GDI2: variants seen among roughly 807,000 people sequenced by gnomAD.
GDI2 encodes rab GDP dissociation inhibitor beta.
GDI2 carries 22 observed loss-of-function variants against 54.2 expected under a neutral mutation model. The observed-to-expected ratio is 0.41, with a 90% CI of 0.29 to 0.58. The LOEUF is 0.58. Ranked by LOEUF, GDI2 falls within the 20% of genes least tolerant of loss-of-function variation. GDI2 has a pLI of 0.35. For missense variants in GDI2, 422 were observed against 546.0 expected, an observed-to-expected ratio of 0.77 and a Z score of 2.26; for synonymous variants, 177 against 182.1, an observed-to-expected ratio of 0.97 and a Z score of 0.23.
intron 1 of GDI2, chr10:5,811,968 A>AT: frequency 1.0e-6 from 1 of 994,712 alleles, no homozygotes; most frequent in South Asian, 1.5e-5. Flanking sequence ...TGTAAAAAAA[A>AT]AAAAAAAAAT....
At chr10:5,802,992 A>G (rs1841302403) in intron 1 of GDI2, among the ~76,000 whole-genome samples, 1 of 152,200 alleles carries the variant, frequency 6.6e-6, no homozygotes, top group Non-Finnish European at 1.5e-5. Flanking sequence ...CTATATTTAA[A>G]TTACTCCTCC....
At chr10:5,783,320 T>C (rs1840803275) in intron 6 of GDI2, among the ~76,000 whole-genome samples, 1 of 104,324 alleles carries the variant, frequency 9.6e-6, no homozygotes, top group Admixed American at 9.9e-5. Context: ...TTCCACCCCT[T>C]TACCTTAAAT....
intron 1 of GDI2, among the ~76,000 whole-genome samples, chr10:5,801,127 ATT>A (rs967427072): frequency 4.0e-5 from 6 of 151,614 alleles, no homozygotes; most frequent in Non-Finnish European, 5.9e-5. Context: ...AATTTTTTGT[ATT>A]TTTAGCAGAG....
At chr10:5,810,937 C>T (rs746531059) in intron 1 of GDI2, among the ~76,000 whole-genome samples, 9 of 152,188 alleles carry the variant, frequency 5.9e-5, no homozygotes, top group Non-Finnish European at 1.3e-4. Flanking sequence ...TCCAGCACTT[C>T]CTTACACTTC....
At chr10:5,805,385 AAG>A (rs1215427688) in intron 1 of GDI2, among the ~76,000 whole-genome samples, 1 of 141,250 alleles carries the variant, frequency 7.1e-6, no homozygotes, top group East Asian at 2.4e-4. Flanking sequence ...AAAAAAAAAA[AAG>A]GTTGGCAGGA....
Position 5,766,199 on chromosome 10 carries a change from C to T in GDI2, c.1191+42G>A, listed in dbSNP as rs754664774. On this transcript the variant is annotated intron_variant, in intron 10 of 10. Coordinates refer to ENST00000380191, the MANE Select transcript of GDI2 (RefSeq NM_001494.4). This position sits in a 1 kb window ranked among gnomAD's most constrained non-coding sequence, Gnocchi z 5.8. ...ACTTAAGACCATGGAGGGATGTCTT[C>T]CAGTGAAACCTGCCCATATCCTTTC... 1 of 1,610,546 alleles carries T rather than the reference C, an allele frequency of 6.2e-7. No individual in the cohort carries two copies. Among genetic ancestry groups the T allele is most frequent in the South Asian group, 1.1e-5 (1 of 91,004 alleles).
chr10:5,786,165 A>ATATTT, intron 4 of GDI2, 115 bp from the exon 5 acceptor site: 1 of 385,162 alleles, frequency 2.6e-6, no homozygotes, highest in Non-Finnish European at 4.5e-6. Context: ...GCAGGATGCA[A>ATATTT]TTTTTTTTTT....
At chr10:5,813,155 G>T in intron 1 of GDI2, 59 bp downstream of exon 1, 1 of 1,092,184 alleles carries the variant, frequency 9.2e-7, no homozygotes, top group South Asian at 1.4e-5. Flanking sequence ...GGCCGTGCAG[G>T]AGCCGGGGGT....
At chr10:5,804,150 G>A (rs998854641) in intron 1 of GDI2, among the ~76,000 whole-genome samples, 4 of 151,330 alleles carry the variant, frequency 2.6e-5, no homozygotes, top group East Asian at 1.9e-4. Flanking sequence ...CTGGAGTGCA[G>A]TGGCGCGATC....
In GDI2 at chr10:5,787,504, T is replaced by C. The variant is rs150893618; in HGVS notation, c.389-1454A>G. 3.8e-4 allele frequency among the ~76,000 whole-genome samples: 57 copies of C among 150,854 alleles called. 2 individuals carry two copies. In the East Asian group the frequency reaches 0.01, roughly 28 times the overall value. The stretch of plus-strand genomic sequence containing the variant: ...CCTGGGCAACAAGAGTGAGACTCCG[T>C]CTCAAAAAAAAAAAAGAAACATGAG... On this transcript the variant is annotated intron_variant, in intron 4 of 10. Coordinates refer to ENST00000380191, the MANE Select transcript of GDI2 (RefSeq NM_001494.4).
chr10:5,811,880 T>TA, intron 1 of GDI2: 2 of 1,056,712 alleles, frequency 1.9e-6, no homozygotes, highest in Non-Finnish European at 2.6e-6. Context: ...AAACCTTTCC[T>TA]AAAAAATTAG....
At position 5,788,918 on chromosome 10, in the gene GDI2, AG is replaced by A. The variant is rs201398770; in HGVS notation, c.389-2869del. The stretch of plus-strand genomic sequence containing the variant: ...GCTAGGATTAAAGGCATGCACCATC[AG>A]ACCTGGCTAATTTTTTTTTGTATTT... On this transcript the variant is annotated intron_variant, in intron 4 of 10. Coordinates refer to ENST00000380191, the MANE Select transcript of GDI2 (RefSeq NM_001494.4). 2.1e-4 allele frequency among the ~76,000 whole-genome samples: 32 copies of A among 152,272 alleles called. 1 individual carries two copies. The East Asian group carries it at 6.2e-3, about 29-fold the overall frequency.
At position 5,797,060 on chromosome 10, in the gene GDI2, A is replaced by T. The variant is rs80178677; in HGVS notation, c.154-198T>A. ...TGTAAATTAATTACTAAACTCATAAATGTTAAAATTAACAAATATGGCAGA... is the reference window on the plus strand; with the variant it reads ...TGTAAATTAATTACTAAACTCATAATTGTTAAAATTAACAAATATGGCAGA... On this transcript the variant is annotated intron_variant, in intron 2 of 10. Transcript: ENST00000380191. 5.9e-3 allele frequency among the ~76,000 whole-genome samples: 899 copies of T among 152,322 alleles called. 12 individuals carry two copies. Among genetic ancestry groups the T allele is most frequent in the Middle Eastern group, 0.041 (12 of 294 alleles).
Position 5,785,133 on chromosome 10 carries a change from G to T in GDI2, c.719+9C>A. 1.3e-6 allele frequency: 2 copies of T among 1,578,192 alleles called. No homozygotes were observed. The highest frequency in any genetic ancestry group is 1.7e-6 in the Non-Finnish European group (2 of 1,163,508). ...TTGGATCACTGAGGTTTTAAACACA[G>T]GCTCTTACCTTGCAAATCCTTGGGG... On this transcript the variant is annotated intron_variant, in intron 6 of 10. Transcript: ENST00000380191.
At chr10:5,794,183 AAAAAAATATATATATATATATATATATAT>A (rs1296287085) in intron 4 of GDI2, among the ~76,000 whole-genome samples, 1 of 53,142 alleles carries the variant, frequency 1.9e-5, no homozygotes, top group Non-Finnish European at 3.5e-5. Flanking sequence ...AAAAAAAAAA[AAAAAAATATATATATATATATATATATAT>A]ATATATATAT....
intron 4 of GDI2, among the ~76,000 whole-genome samples, chr10:5,792,219 A>G (rs1193639662): frequency 1.3e-5 from 2 of 152,190 alleles, no homozygotes; most frequent in East Asian, 3.8e-4. Flanking sequence ...CCTGGCTCCA[A>G]ACCAGTTACT....
chr10:5,789,317 C>T (rs2131702420), intron 4 of GDI2, among the ~76,000 whole-genome samples: 1 of 152,008 alleles, frequency 6.6e-6, no homozygotes. Flanking sequence ...CCAGGCTGAT[C>T]TCGAACTCTC....
chr10:5,767,807 G>T (rs1840392431), intron 8 of GDI2, among the ~76,000 whole-genome samples: 1 of 152,218 alleles, frequency 6.6e-6, no homozygotes, highest in Admixed American at 6.5e-5. Context: ...TCACAGAAAT[G>T]AAAGGTGGAC....
At chr10:5,791,895 G>A (rs539708057) in intron 4 of GDI2, among the ~76,000 whole-genome samples, 2 of 152,078 alleles carry the variant, frequency 1.3e-5, no homozygotes, top group African/African-American at 4.8e-5. Flanking sequence ...TAGCCTGGGG[G>A]ACAAAGAAAA....
Sources: gnomAD v4.1 joint callset for allele counts (sites outside exome capture counted in the v4.1 genomes callset) on GRCh38, gnomAD v4.1.1 for gene constraint, Gnocchi (gnomAD v3.1) non-coding constraint, MANE v1.5 for transcripts, NCBI Gene and HGNC (gene_info 2026-07-23, HGNC 2026-07-21) for gene names.